The following KIAA1217 variants were observed in gnomAD, a reference collection of about 807,000 sequenced individuals.
The protein encoded by KIAA1217 is KIAA1217, also known as sickle tail protein homolog.
A neutral mutation model predicts 163.9 loss-of-function variants in KIAA1217; 88 were observed. That is an observed-to-expected ratio of 0.54 (90% CI 0.45 to 0.64). KIAA1217 has a LOEUF of 0.64. Among genes scored for constraint, KIAA1217 ranks in the 30% least tolerant of loss-of-function variants. The pLI is 0.00. For synonymous variants in KIAA1217, 903 were observed against 923.1 expected (o/e 0.98, Z 0.39); for missense variants, 2,372 against 2,475.0 (o/e 0.96, Z 0.88).
intron 1 of KIAA1217, among the ~76,000 whole-genome samples, chr10:23,958,579 T>G (rs569941538): frequency 4.3e-4 from 65 of 152,306 alleles, no homozygotes; most frequent in African/African-American, 1.5e-3. Flanking sequence ...ATCAATTTGT[T>G]GAGAAAAACG....
At chr10:23,740,788 A>C (rs557164607) in intron 1 of KIAA1217, among the ~76,000 whole-genome samples, 2 of 152,134 alleles carry the variant, frequency 1.3e-5, no homozygotes, top group East Asian at 3.9e-4. Flanking sequence ...TAAAAAAAAA[A>C]AAATGGGCGC....
At position 24,438,432 on chromosome 10, in the gene KIAA1217, GCACATGCGTTTAATCA is replaced by G. The variant is rs767511248; in HGVS notation, c.804_819del (p.Ala269GlnfsTer4). The G allele has an allele frequency of 6.2e-7, 1 of 1,613,600 alleles. No homozygotes were observed. Among genetic ancestry groups the G allele is most frequent in the Non-Finnish European group, 8.5e-7 (1 of 1,179,534 alleles). ...CCTCAAAGTGTACAACAAGGATCCT[GCACATGCGTTTAATCA>G]CACACCAAAAACTATGAATGGAGAC... On this transcript the variant is annotated frameshift_variant, in exon 5 of 21. Coordinates refer to ENST00000376454, the MANE Select transcript of KIAA1217 (RefSeq NM_019590.5). LOFTEE classifies it high-confidence loss of function.
chr10:23,973,504 G>C (rs751800791), intron 1 of KIAA1217, among the ~76,000 whole-genome samples: 1 of 152,302 alleles, frequency 6.6e-6, no homozygotes, highest in African/African-American at 2.4e-5. Flanking sequence ...TTCCTGAAGT[G>C]GTTCCCAACC....
At chr10:23,973,011 C>T (rs1845385655) in intron 1 of KIAA1217, among the ~76,000 whole-genome samples, 1 of 152,032 alleles carries the variant, frequency 6.6e-6, no homozygotes, top group South Asian at 2.1e-4. Context: ...ATGCAGCAAA[C>T]CACCATGTCA....
At chr10:24,042,512 ACT>A (rs1263103598) in intron 2 of KIAA1217, 1 of 152,210 alleles carries the variant, frequency 6.6e-6, no homozygotes, top group Non-Finnish European at 1.5e-5. Context: ...TTTGAAATCC[ACT>A]GCTTTTGTGA....
chr10:24,424,050 C>A (rs551388759), intron 3 of KIAA1217, among the ~76,000 whole-genome samples: 1 of 151,834 alleles, frequency 6.6e-6, no homozygotes, highest in African/African-American at 2.4e-5. Flanking sequence ...CAGTGAAATC[C>A]AAGAGTAAAG....
intron 1 of KIAA1217, among the ~76,000 whole-genome samples, chr10:23,778,203 G>A (rs983887242): frequency 1.3e-5 from 2 of 152,178 alleles, no homozygotes; most frequent in African/African-American, 4.8e-5. Flanking sequence ...GCCTCCCAAA[G>A]TGTTGGGATT....
At chr10:24,532,141 C>A (rs1296740027) in intron 15 of KIAA1217, 148 bp downstream of exon 15, 3 of 621,866 alleles carry the variant, frequency 4.8e-6, no homozygotes, top group East Asian at 3.4e-5. Flanking sequence ...ACAGATGGAA[C>A]AATGGCAGCC....
At chr10:23,866,126 A>G (rs1840171003) in intron 1 of KIAA1217, among the ~76,000 whole-genome samples, 1 of 152,218 alleles carries the variant, frequency 6.6e-6, no homozygotes, top group South Asian at 2.1e-4. Flanking sequence ...TAAATAAAGT[A>G]ACCTCTGCTG....
At chr10:24,084,885 G>A (rs2061644288) in intron 2 of KIAA1217, among the ~76,000 whole-genome samples, 1 of 150,364 alleles carries the variant, frequency 6.7e-6, no homozygotes, top group Admixed American at 6.6e-5. Flanking sequence ...AGAGTATATT[G>A]CAAAGCTATA....
intron 2 of KIAA1217, among the ~76,000 whole-genome samples, chr10:24,272,263 A>G (rs532661932): frequency 6.6e-6 from 1 of 152,334 alleles, no homozygotes; most frequent in South Asian, 2.1e-4. Context: ...CCAGGTTAGT[A>G]ATAAGAACTC....
chr10:23,932,755 T>C (rs748799226), intron 1 of KIAA1217, among the ~76,000 whole-genome samples: 1 of 152,226 alleles, frequency 6.6e-6, no homozygotes, highest in Non-Finnish European at 1.5e-5. Context: ...ATAGATTATA[T>C]TAATCATTAC....
intron 15 of KIAA1217, among the ~76,000 whole-genome samples, chr10:24,532,703 G>A (rs183019657): frequency 7.1e-4 from 108 of 152,210 alleles, no homozygotes; most frequent in African/African-American, 2.3e-3. Flanking sequence ...CTCGAGAACA[G>A]CACGGGAAAG....
chr10:23,852,853 G>C (rs1389566917), intron 1 of KIAA1217, among the ~76,000 whole-genome samples: 1 of 152,110 alleles, frequency 6.6e-6, no homozygotes, highest in Non-Finnish European at 1.5e-5. Context: ...TGTGATTTTT[G>C]TACATTGATT....
intron 2 of KIAA1217, among the ~76,000 whole-genome samples, chr10:24,200,297 C>T (rs1473886380): frequency 6.6e-6 from 1 of 151,656 alleles, no homozygotes; most frequent in Non-Finnish European, 1.5e-5. Flanking sequence ...CACTCTCAAA[C>T]TCCCGGGCTT....
chr10:24,155,161 AT>A (rs2064818160), intron 2 of KIAA1217, among the ~76,000 whole-genome samples: 1 of 152,232 alleles, frequency 6.6e-6, no homozygotes, highest in East Asian at 1.9e-4. Context: ...TACCACAATA[AT>A]TTTTTTAAAC....
intron 2 of KIAA1217, among the ~76,000 whole-genome samples, chr10:24,014,678 G>A (rs953171896): frequency 5.3e-5 from 8 of 152,128 alleles, no homozygotes; most frequent in Non-Finnish European, 7.4e-5. Flanking sequence ...CAAGTCTGAT[G>A]GAAAACTATT....
chr10:24,152,726 T>TAA (rs34022726), intron 2 of KIAA1217, among the ~76,000 whole-genome samples: 204 of 144,742 alleles, frequency 1.4e-3, no homozygotes, highest in South Asian at 2.4e-3. Context: ...TCTATTCCCT[T>TAA]AAAAAAAAAA....
At chr10:24,467,751 A>G (rs1415003230) in intron 5 of KIAA1217, among the ~76,000 whole-genome samples, 1 of 151,992 alleles carries the variant, frequency 6.6e-6, no homozygotes, top group Non-Finnish European at 1.5e-5. Flanking sequence ...GTGGCAGAAT[A>G]AGGGACTGGG....
Sources: gnomAD v4.1 joint callset for allele counts (sites outside exome capture counted in the v4.1 genomes callset) on GRCh38, gnomAD v4.1.1 for gene constraint, MANE v1.5 for transcripts, NCBI Gene and HGNC (gene_info 2026-07-23, HGNC 2026-07-21) for gene names.